The following PPARGC1B variants were observed in gnomAD, a reference collection of about 807,000 sequenced individuals.
The protein encoded by PPARGC1B is peroxisome proliferator-activated receptor gamma coactivator 1-beta.
Under a neutral mutation model 101.6 loss-of-function variants are expected in PPARGC1B, and 34 were observed. The ratio of observed to expected loss-of-function variants is 0.33; its 90% confidence interval spans 0.25 to 0.45. The LOEUF (loss-of-function observed/expected upper bound fraction) is 0.45, where lower values mean the gene tolerates loss of function less well. Among genes scored for constraint, PPARGC1B ranks in the 20% least tolerant of loss-of-function variants. The probability of loss-of-function intolerance (pLI) is 1.00; values close to 1 mark genes in which losing one functional copy is unlikely to be tolerated. For missense variants in PPARGC1B, 1,234 were observed against 1,317.6 expected (o/e 0.94, Z 0.98); for synonymous variants, 548 against 539.3 (o/e 1.02, Z -0.22).
chr5:149,738,831 G>A (rs972776667), intron 1 of PPARGC1B, among the ~76,000 whole-genome samples: 2 of 152,148 alleles, frequency 1.3e-5, no homozygotes, highest in African/African-American at 2.4e-5. Flanking sequence ...TCCTGACCTC[G>A]TGATCCGCTC....
intron 1 of PPARGC1B, among the ~76,000 whole-genome samples, chr5:149,813,634 C>A (rs114193478): frequency 2.0e-3 from 312 of 152,246 alleles, no homozygotes; most frequent in Non-Finnish European, 3.1e-3. Context: ...ACTGGCCATC[C>A]GCTGCACCTT....
intron 1 of PPARGC1B, chr5:149,817,849 C>G: frequency 2.2e-6 from 1 of 456,486 alleles, no homozygotes; most frequent in Non-Finnish European, 4.4e-6. Flanking sequence ...CCATATGGCC[C>G]AACAGTTTCA....
chr5:149,775,826 C>A (rs769846225), intron 1 of PPARGC1B, among the ~76,000 whole-genome samples: 1 of 152,148 alleles, frequency 6.6e-6, no homozygotes, highest in Non-Finnish European at 1.5e-5. Context: ...CCCCCTACCC[C>A]CTTCTCTTTC....
rs1368235750 is a variant in PPARGC1B at position 149,850,231 on chromosome 5, C to G, written c.*2673C>G. ...TGATTGCTCTTGGTCAAAGGGTCAG[C>G]CTTGGGCTGGTGATACTTTAGAGTA... On this transcript the variant is annotated 3_prime_UTR_variant, in exon 12 of 12. Transcript: ENST00000309241. 3 of 152,256 alleles carry G rather than the reference C, an allele frequency of 2.0e-5. No individual in the cohort carries two copies. The highest frequency in any genetic ancestry group is 7.2e-5 in the African/African-American group (3 of 41,450). The allele number at this position is 152,256 out of a possible 1,614,324, so 9.4% of individuals were successfully genotyped here. A position where few individuals can be genotyped will look rare whatever the true frequency, so the allele number is the denominator to read the frequency against.
At chr5:149,839,574 A>G (rs1235596145) in intron 8 of PPARGC1B, among the ~76,000 whole-genome samples, 1 of 152,206 alleles carries the variant, frequency 6.6e-6, no homozygotes, top group African/African-American at 2.4e-5. Flanking sequence ...TGGTTCTGGA[A>G]TCAGAAGGAC....
rs2113456263 is a variant in PPARGC1B, at chr5:149,847,876, C to G, written c.*318C>G. The G allele has an allele frequency of 2.7e-6, 1 of 369,522 alleles. No individual in the cohort carries two copies. The highest frequency in any genetic ancestry group is 4.9e-6 in the Non-Finnish European group (1 of 203,004). 22.9% of individuals were successfully genotyped at this position (369,522 alleles called of 1,614,324 possible). On this transcript the variant is annotated 3_prime_UTR_variant, in exon 12 of 12. Transcript: ENST00000309241. ...TCGCCCCTTCCTTCCCGACTGACTTCCTCTCGTAGACTTGCAGCTGTGTTC... is the reference window on the plus strand; with the variant it reads ...TCGCCCCTTCCTTCCCGACTGACTTGCTCTCGTAGACTTGCAGCTGTGTTC...
intron 10 of PPARGC1B, among the ~76,000 whole-genome samples, chr5:149,844,813 A>G (rs1759490401): frequency 3.3e-5 from 5 of 152,222 alleles, no homozygotes; most frequent in Admixed American, 3.3e-4. Context: ...TACATAGCAG[A>G]TGATATGTCA....
At chr5:149,795,714 C>G (rs1415321482) in intron 1 of PPARGC1B, among the ~76,000 whole-genome samples, 1 of 152,206 alleles carries the variant, frequency 6.6e-6, no homozygotes, top group African/African-American at 2.4e-5. Context: ...ATACTGTCAC[C>G]TCAGCCCCAT....
chr5:149,837,158 C>T lies in PPARGC1B; in HGVS notation c.2618+85C>T. The stretch of plus-strand genomic sequence containing the variant: ...GCCAGGAGCCCCAGGAGGGAGGATC[C>T]CTGGGAAGCTTGCTCTGAAACTGAG... On this transcript the variant is annotated intron_variant, in intron 8 of 11. Transcript: ENST00000309241. This position sits in a 1 kb window ranked among gnomAD's most constrained non-coding sequence, Gnocchi z 4.2. 2 of 1,512,512 alleles carry T rather than the reference C, an allele frequency of 1.3e-6. No individual in the cohort carries two copies. The highest frequency in any genetic ancestry group is 2.8e-5 in the African/African-American group (2 of 71,770). 93.7% of individuals were successfully genotyped at this position (1,512,512 alleles called of 1,614,324 possible).
intron 1 of PPARGC1B, among the ~76,000 whole-genome samples, chr5:149,812,908 G>A (rs1757919874): frequency 6.6e-6 from 1 of 152,224 alleles, no homozygotes; most frequent in Non-Finnish European, 1.5e-5. Context: ...CCCACTGGGA[G>A]GGGAATGGGT....
chr5:149,822,523 CTG>C (rs1166847520), intron 2 of PPARGC1B, among the ~76,000 whole-genome samples: 1 of 152,256 alleles, frequency 6.6e-6, no homozygotes, highest in African/African-American at 2.4e-5. Context: ...ATCGGAAACT[CTG>C]AGTGTGGGCT....
intron 4 of PPARGC1B, among the ~76,000 whole-genome samples, chr5:149,831,468 C>T (rs1462980969): frequency 6.6e-6 from 1 of 152,212 alleles, no homozygotes; most frequent in Non-Finnish European, 1.5e-5. Context: ...CCTACATCCT[C>T]AGAGGCAGAA....
In PPARGC1B at chr5:149,755,804, C is replaced by T. The variant is rs191071018; in HGVS notation, c.78+25384C>T. Among the ~76,000 whole-genome samples the T allele has an allele frequency of 4.9e-3, 751 of 152,034 alleles. 1 individual carries two copies. The highest frequency in any genetic ancestry group is 6.9e-3 in the Non-Finnish European group (470 of 67,950). ...GATTATAGGTGTCCGCCACCATGCC[C>T]AGCTAATTTTTGTATTTTTAGTAGA... is the stretch of plus-strand genomic sequence containing the variant. On this transcript the variant is annotated intron_variant, in intron 1 of 11. Coordinates refer to ENST00000309241, the MANE Select transcript of PPARGC1B (RefSeq NM_133263.4).
chr5:149,746,388 C>T (rs1755090421), intron 1 of PPARGC1B, among the ~76,000 whole-genome samples: 1 of 152,200 alleles, frequency 6.6e-6, no homozygotes, highest in Admixed American at 6.5e-5. Flanking sequence ...TTTTACTTAG[C>T]ATAGTGTCAT....
chr5:149,737,299 C>T (rs188239402), intron 1 of PPARGC1B, among the ~76,000 whole-genome samples: 1 of 152,252 alleles, frequency 6.6e-6, no homozygotes, highest in East Asian at 1.9e-4. Context: ...TTCCGAAGGC[C>T]TTCGGGTACT....
At chr5:149,757,089 A>G (rs571964634) in intron 1 of PPARGC1B, among the ~76,000 whole-genome samples, 1 of 152,296 alleles carries the variant, frequency 6.6e-6, no homozygotes, top group Admixed American at 6.5e-5. Context: ...TTCGAAGACA[A>G]TAAAACAAGG....
intron 1 of PPARGC1B, among the ~76,000 whole-genome samples, chr5:149,752,685 C>T (rs1755360258): frequency 6.6e-6 from 1 of 152,058 alleles, no homozygotes; most frequent in Admixed American, 6.5e-5. Context: ...AAAAATTAGC[C>T]AGGCGTGGTG....
chr5:149,847,268 A>C, intron 11 of PPARGC1B, 190 bp from the exon 12 acceptor site: 1 of 721,982 alleles, frequency 1.4e-6, no homozygotes, highest in Non-Finnish European at 2.6e-6. Context: ...AGACACTGAT[A>C]CCATGGCCAA....
At chr5:149,790,628 C>T (rs774811608) in intron 1 of PPARGC1B, among the ~76,000 whole-genome samples, 1 of 152,080 alleles carries the variant, frequency 6.6e-6, no homozygotes, top group Non-Finnish European at 1.5e-5. Context: ...TACAAGTGCC[C>T]TTGTTTGGGG....
Sources: gnomAD v4.1 joint callset for allele counts (sites outside exome capture counted in the v4.1 genomes callset) on GRCh38, gnomAD v4.1.1 for gene constraint, Gnocchi (gnomAD v3.1) non-coding constraint, MANE v1.5 for transcripts, NCBI Gene and HGNC (gene_info 2026-07-23, HGNC 2026-07-21) for gene names.